Variants in PTPRM observed in about 807,000 individuals in gnomAD.
The protein encoded by PTPRM is protein tyrosine phosphatase receptor type M.
PTPRM carries 47 observed loss-of-function variants against 186.7 expected under a neutral mutation model. The ratio of observed to expected loss-of-function variants is 0.25; its 90% CI spans 0.20 to 0.32. PTPRM has a LOEUF of 0.32. PTPRM is among the 10% of genes least tolerant of loss of function. PTPRM has a pLI of 1.00. For synonymous variants in PTPRM, 668 were observed against 674.9 expected, an observed-to-expected ratio of 0.99 and a Z score of 0.16; for missense variants, 1,494 against 1,865.0, an observed-to-expected ratio of 0.80 and a Z score of 3.66.
intron 2 of PTPRM, among the ~76,000 whole-genome samples, chr18:7,876,428 TC>T (rs1392163691): frequency 6.6e-6 from 1 of 152,130 alleles, no homozygotes; most frequent in Non-Finnish European, 1.5e-5. Context: ...TGAGTAAGAA[TC>T]CACCCTCAAG....
At position 7,932,626 on chromosome 18, in the gene PTPRM, CTCAA is replaced by C. The variant is rs2051557142; in HGVS notation, c.663+5944_663+5947del. 2.6e-5 allele frequency among the ~76,000 whole-genome samples: 4 copies of C among 152,208 alleles called. No homozygotes were observed. The South Asian group carries it at 8.3e-4, about 32-fold the overall frequency. The stretch of plus-strand genomic sequence containing the variant: ...TTTTCTTCACTGAGTGATCTTGCAT[CTCAA>C]ATATTAGCCTTTTAACCTGATAGTC... On this transcript the variant is annotated intron_variant, in intron 5 of 32. Transcript: ENST00000580170.
intron 1 of PTPRM, among the ~76,000 whole-genome samples, chr18:7,622,116 C>T (rs1409479337): frequency 1.3e-5 from 2 of 152,128 alleles, no homozygotes; most frequent in Non-Finnish European, 2.9e-5. Context: ...ATATCCTAGC[C>T]AGAATTTGGT....
chr18:7,790,864 G>C (rs2043306371), intron 2 of PTPRM, among the ~76,000 whole-genome samples: 1 of 152,082 alleles, frequency 6.6e-6, no homozygotes, highest in Admixed American at 6.5e-5. Context: ...GGTAGCTCAT[G>C]GGAGTGGTTG....
chr18:8,256,647 T>C (rs1224074676), intron 19 of PTPRM, among the ~76,000 whole-genome samples: 2 of 152,210 alleles, frequency 1.3e-5, no homozygotes, highest in African/African-American at 4.8e-5. Context: ...AAAGGGGTTA[T>C]ACTTTTCCTT....
chr18:8,261,890 T>C lies in PTPRM; in HGVS notation c.2754+8476T>C, dbSNP rs182194920. The stretch of plus-strand genomic sequence containing the variant: ...TAACCTGAAAGAAGTTAAGCAATTT[T>C]CCCACTTGTTAACATGCTTTTAGTG... On this transcript the variant is annotated intron_variant, in intron 19 of 32. Coordinates refer to ENST00000580170, the MANE Select transcript of PTPRM (RefSeq NM_001105244.2). Among the ~76,000 whole-genome samples the C allele has an allele frequency of 9.1e-3, 1,386 of 152,278 alleles. 24 individuals are homozygous for C. The highest frequency in any genetic ancestry group is 0.032 in the African/African-American group (1,335 of 41,542).
chr18:8,253,105 A>G (rs2094543503), intron 18 of PTPRM, 122 bp from the exon 19 acceptor site: 2 of 695,760 alleles, frequency 2.9e-6, no homozygotes, highest in Admixed American at 4.2e-5. Context: ...TTGCTGAGCC[A>G]TCGTAGGGAA....
intron 7 of PTPRM, among the ~76,000 whole-genome samples, chr18:8,044,384 A>AT (rs1274746358): frequency 4.6e-5 from 7 of 152,222 alleles, no homozygotes; most frequent in African/African-American, 1.7e-4. Flanking sequence ...CCTAGGTGGG[A>AT]GTGCAGAGTG....
chr18:7,769,067 C>T (rs200151361), intron 1 of PTPRM, among the ~76,000 whole-genome samples: 2 of 152,088 alleles, frequency 1.3e-5, no homozygotes, highest in African/African-American at 2.4e-5. Flanking sequence ...TGAATGGGCC[C>T]TAAACCTCAT....
intron 1 of PTPRM, among the ~76,000 whole-genome samples, chr18:7,676,665 G>GTA (rs1337368092): frequency 3.4e-3 from 366 of 108,774 alleles, no homozygotes; most frequent in African/African-American, 0.014. Context: ...GTGTGTGTAT[G>GTA]TGTGTGTGTG....
At chr18:7,872,413 G>C (rs1359248000) in intron 2 of PTPRM, among the ~76,000 whole-genome samples, 2 of 152,052 alleles carry the variant, frequency 1.3e-5, no homozygotes, top group Non-Finnish European at 1.5e-5. Context: ...TTATTGTGCA[G>C]TTATTATTCA....
intron 2 of PTPRM, among the ~76,000 whole-genome samples, chr18:7,857,177 T>C (rs905287114): frequency 1.3e-5 from 2 of 152,130 alleles, no homozygotes; most frequent in African/African-American, 4.8e-5. Flanking sequence ...GAGGGGCACA[T>C]GACGGGCAGG....
chr18:8,374,204 TG>T (rs2095681516), intron 24 of PTPRM, among the ~76,000 whole-genome samples: 1 of 152,156 alleles, frequency 6.6e-6, no homozygotes, highest in African/African-American at 2.4e-5. Context: ...ATATTTACCT[TG>T]CTCAGAAAAA....
intron 19 of PTPRM, among the ~76,000 whole-genome samples, chr18:8,265,832 C>G (rs947024535): frequency 2.6e-5 from 4 of 152,150 alleles, no homozygotes; most frequent in Non-Finnish European, 1.5e-5. Flanking sequence ...CAACTACTCA[C>G]AAAATGTCTC....
chr18:8,088,964 TC>T, intron 11 of PTPRM, 113 bp downstream of exon 11: 1 of 791,890 alleles, frequency 1.3e-6, no homozygotes, highest in South Asian at 1.7e-5. Context: ...AGCATGTAAA[TC>T]CATATGTTTA....
intron 2 of PTPRM, among the ~76,000 whole-genome samples, chr18:7,800,272 G>A (rs930507770): frequency 2.6e-5 from 4 of 152,196 alleles, no homozygotes; most frequent in African/African-American, 9.7e-5. Context: ...AATATTAACA[G>A]CCATGCATTG....
At chr18:7,826,464 A>C (rs1247113795) in intron 2 of PTPRM, among the ~76,000 whole-genome samples, 10 of 152,206 alleles carry the variant, frequency 6.6e-5, no homozygotes, top group African/African-American at 2.2e-4. Flanking sequence ...CTGGGATGTC[A>C]AGCATTGTTA....
rs150140768 is a variant in PTPRM, at chr18:8,226,600, T to C, written c.2301-17458T>C. 3.7e-3 allele frequency among the ~76,000 whole-genome samples: 562 copies of C among 152,336 alleles called. 1 individual carries two copies. The highest frequency in any genetic ancestry group is 0.013 in the African/African-American group (520 of 41,580). ...AGATGGGTGTTTTAGAAAAGCCAAA[T>C]GGTTAGTCAAATGACCACAGAAATG... On this transcript the variant is annotated intron_variant, in intron 14 of 32. Transcript: ENST00000580170.
chr18:8,082,664 A>G (rs913647530), intron 9 of PTPRM, among the ~76,000 whole-genome samples: 6 of 151,384 alleles, frequency 4.0e-5, no homozygotes, highest in Admixed American at 6.6e-5. Flanking sequence ...ACCTACATTC[A>G]TTAGGGAGTG....
chr18:8,010,274 G>A (rs2084442844), intron 7 of PTPRM, among the ~76,000 whole-genome samples: 1 of 152,050 alleles, frequency 6.6e-6, no homozygotes, highest in South Asian at 2.1e-4. Flanking sequence ...AATCTCTTTG[G>A]TCAAGGCATT....
Sources: gnomAD v4.1 joint callset for allele counts (sites outside exome capture counted in the v4.1 genomes callset) on GRCh38, gnomAD v4.1.1 for gene constraint, MANE v1.5 for transcripts, NCBI Gene and HGNC (gene_info 2026-07-23, HGNC 2026-07-21) for gene names.